Variants in RPH3AL observed in about 807,000 individuals in gnomAD.
RPH3AL encodes the protein rab effector Noc2.
In RPH3AL, 38 loss-of-function variants were observed where a neutral mutation model predicts 43.1. That is an observed-to-expected ratio of 0.88 (90% confidence interval 0.68 to 1.15). The LOEUF (loss-of-function observed/expected upper bound fraction) is 1.15. Among genes scored for constraint, RPH3AL ranks in the 50% most tolerant of loss-of-function variants. RPH3AL has a pLI of 0.00. For missense variants in RPH3AL, 462 were observed against 423.2 expected, an observed-to-expected ratio of 1.09 and a Z score of -0.81; for synonymous variants, 189 against 176.3, an observed-to-expected ratio of 1.07 and a Z score of -0.57.
At chr17:236,612 G>A (rs2041401891) in intron 7 of RPH3AL, among the ~76,000 whole-genome samples, 1 of 152,228 alleles carries the variant, frequency 6.6e-6, no homozygotes, top group East Asian at 1.9e-4. Context: ...GGCGTCGGGA[G>A]CACAGAGCTG....
intron 5 of RPH3AL, among the ~76,000 whole-genome samples, chr17:307,613 A>T (rs2043535169): frequency 1.3e-5 from 2 of 152,184 alleles, no homozygotes; most frequent in African/African-American, 4.8e-5. Flanking sequence ...ACAGGAACTG[A>T]CCAGGGGACA....
At chr17:233,870 C>T (rs557173431) in intron 7 of RPH3AL, among the ~76,000 whole-genome samples, 2 of 97,658 alleles carry the variant, frequency 2.0e-5, no homozygotes, top group African/African-American at 3.5e-5. Context: ...CAGGGAGCGG[C>T]TACTTCCCCT....
chr17:301,643 T>C (rs2043331449), intron 5 of RPH3AL, among the ~76,000 whole-genome samples: 1 of 152,152 alleles, frequency 6.6e-6, no homozygotes, highest in African/African-American at 2.4e-5. Flanking sequence ...CTCGCTTTAT[T>C]GCCTGGGCTG....
intron 1 of RPH3AL, among the ~76,000 whole-genome samples, chr17:344,543 G>C (rs971275150): frequency 7.8e-6 from 1 of 127,446 alleles, no homozygotes. Context: ...CCATCATCAT[G>C]ATCACCATCA....
Position 346,405 on chromosome 17 carries a change from C to T in RPH3AL, c.-213+6307G>A, listed in dbSNP as rs553491633. 1.1e-4 allele frequency among the ~76,000 whole-genome samples: 15 copies of T among 135,258 alleles called. 4 individuals are homozygous for T. The highest frequency in any genetic ancestry group is 2.1e-4 in the Admixed American group (3 of 13,992). 88.7% of individuals were successfully genotyped at this position (135,258 alleles called of 152,430 possible). A position where few individuals can be genotyped will look rare whatever the true frequency, so the allele number is the denominator to read the frequency against. ...TACAGTTCCACGTGGCTGGGGAAGC[C>T]TCACAATCATGGTGGAAGGCAAGGA... On this transcript the variant is annotated intron_variant, in intron 1 of 9. Transcript: ENST00000331302.
Position 319,412 on chromosome 17 carries a change from G to A in RPH3AL, c.351+8C>T. 6.2e-7 allele frequency: 1 copy of A among 1,610,850 alleles called. No homozygotes were observed. The highest frequency in any genetic ancestry group is 8.5e-7 in the Non-Finnish European group (1 of 1,179,284). ...AGCCAGAATGACAGGGCCAGAGCAGGGTCTTACCTTCCTGCAGTCTTTGCA... is the reference window on the plus strand; with the variant it reads ...AGCCAGAATGACAGGGCCAGAGCAGAGTCTTACCTTCCTGCAGTCTTTGCA... On this transcript the variant is annotated splice_region_variant and intron_variant, in intron 5 of 9. Coordinates refer to ENST00000331302, the MANE Select transcript of RPH3AL (RefSeq NM_006987.4).
intron 6 of RPH3AL, among the ~76,000 whole-genome samples, chr17:261,379 C>A (rs113553026): frequency 1.1e-4 from 17 of 152,152 alleles, no homozygotes; most frequent in African/African-American, 3.9e-4. Flanking sequence ...GAGGGCACAG[C>A]GGGAACACAG....
chr17:264,217 C>G lies in RPH3AL; in HGVS notation c.439-16932G>C, dbSNP rs2042265930. On this transcript the variant is annotated intron_variant, in intron 6 of 9. Transcript: ENST00000331302. This position sits in a 1 kb window ranked among gnomAD's most constrained non-coding sequence, Gnocchi z 4.8. The stretch of plus-strand genomic sequence containing the variant: ...CCGGAAATGCCATCTGTCACTCAAA[C>G]CCGAATAGAACCACCCTACCTCAAA... Among the ~76,000 whole-genome samples the G allele has an allele frequency of 6.6e-6, 1 of 152,234 alleles. No homozygotes were observed. The highest frequency in any genetic ancestry group is 1.5e-5 in the Non-Finnish European group (1 of 68,046).
intron 8 of RPH3AL, among the ~76,000 whole-genome samples, chr17:219,260 G>C (rs1445763204): frequency 2.4e-5 from 3 of 122,952 alleles, no homozygotes; most frequent in Non-Finnish European, 4.7e-5. Context: ...GTTCAGTGAT[G>C]CAATCTGGGC....
At chr17:253,535 A>G (rs2041969833) in intron 6 of RPH3AL, among the ~76,000 whole-genome samples, 1 of 152,160 alleles carries the variant, frequency 6.6e-6, no homozygotes, top group South Asian at 2.1e-4. Context: ...ATTGTATTAA[A>G]GTATTCATAA....
At chr17:300,524 A>G (rs1185374269) in intron 5 of RPH3AL, among the ~76,000 whole-genome samples, 1 of 6,274 alleles carries the variant, frequency 1.6e-4, no homozygotes. Flanking sequence ...CCCAGCCTAG[A>G]CCTGCAGAAT....
rs34369453 is a variant in RPH3AL at position 225,115 on chromosome 17, G to GA, written c.614-5380dup. 4.3e-3 allele frequency among the ~76,000 whole-genome samples: 595 copies of GA among 139,124 alleles called. 3 individuals are homozygous for GA. The highest frequency in any genetic ancestry group is 0.018 in the Middle Eastern group (5 of 272). 91.3% of individuals were successfully genotyped at this position (139,124 alleles called of 152,430 possible). On this transcript the variant is annotated intron_variant, in intron 7 of 9. Coordinates refer to ENST00000331302, the MANE Select transcript of RPH3AL (RefSeq NM_006987.4). This position sits in a 1 kb window ranked among gnomAD's most constrained non-coding sequence, Gnocchi z 4.4. Reference sequence around the variant, plus strand: ...GTACCCTAGAACTTAAAATATAATGGAAAAAAAAAAAAAAAGAGTGATGAG... The same window carrying GA: ...GTACCCTAGAACTTAAAATATAATGGAAAAAAAAAAAAAAAAGAGTGATGAG...
At chr17:235,949 C>A (rs144163746) in intron 7 of RPH3AL, among the ~76,000 whole-genome samples, 2 of 126,014 alleles carry the variant, frequency 1.6e-5, no homozygotes, top group Non-Finnish European at 3.8e-5. Context: ...CAAGACAGAT[C>A]CAGGGTTCAA....
At chr17:261,782 C>T (rs1031960727) in intron 6 of RPH3AL, 2 of 152,216 alleles carry the variant, frequency 1.3e-5, no homozygotes, top group Admixed American at 6.5e-5. Context: ...TCCAGAAAAA[C>T]ACAAGTGAAA....
At chr17:298,517 C>T (rs1337270006) in intron 5 of RPH3AL, among the ~76,000 whole-genome samples, 2 of 149,466 alleles carry the variant, frequency 1.3e-5, no homozygotes, top group African/African-American at 2.5e-5. Flanking sequence ...GTCAATACAG[C>T]GAAACCCCAT....
intron 6 of RPH3AL, among the ~76,000 whole-genome samples, chr17:252,720 G>A (rs1206525710): frequency 1.3e-5 from 2 of 152,200 alleles, no homozygotes; most frequent in Non-Finnish European, 2.9e-5. Flanking sequence ...GGAAAGACGG[G>A]TTGATTTTGC....
Position 247,103 on chromosome 17 carries a change from G to C in RPH3AL, c.613+8C>G, listed in dbSNP as rs1308457304. 1.9e-6 allele frequency: 3 copies of C among 1,613,928 alleles called. No individual in the cohort carries two copies. Among genetic ancestry groups the C allele is most frequent in the Non-Finnish European group, 2.5e-6 (3 of 1,179,932 alleles). ...GGCCATCCTGGGAGAGAGGCAGAGG[G>C]GACTTACCTCTTCCTCGGGCCCACG... On this transcript the variant is annotated splice_region_variant and intron_variant, in intron 7 of 9. Coordinates refer to ENST00000331302, the MANE Select transcript of RPH3AL (RefSeq NM_006987.4).
Position 264,008 on chromosome 17 carries a change from C to T in RPH3AL, c.439-16723G>A, listed in dbSNP as rs534824898. Among the ~76,000 whole-genome samples, 1 of 152,126 alleles carries T rather than the reference C, an allele frequency of 6.6e-6. No individual in the cohort carries two copies. The highest frequency in any genetic ancestry group is 1.5e-5 in the Non-Finnish European group (1 of 68,024). On this transcript the variant is annotated intron_variant, in intron 6 of 9. Transcript: ENST00000331302. This position sits in a 1 kb window ranked among gnomAD's most constrained non-coding sequence, Gnocchi z 4.8. ...CTGAGGGTATCGTGCTGTTAGCGGACGCGATGCTGCTTTCCAAGATGGCTG... is the reference window on the plus strand; with the variant it reads ...CTGAGGGTATCGTGCTGTTAGCGGATGCGATGCTGCTTTCCAAGATGGCTG...
intron 7 of RPH3AL, among the ~76,000 whole-genome samples, chr17:233,401 T>C (rs1054569022): frequency 2.6e-5 from 4 of 152,154 alleles, no homozygotes; most frequent in African/African-American, 9.7e-5. Flanking sequence ...ACGCCAAGAC[T>C]GTCCGGCCCA....
Sources: allele counts gnomAD v4.1 joint callset (sites outside exome capture counted in the v4.1 genomes callset), GRCh38; gene constraint gnomAD v4.1.1; non-coding constraint Gnocchi (gnomAD v3.1); transcripts MANE v1.5; gene names NCBI Gene and HGNC (gene_info 2026-07-23, HGNC 2026-07-21).